Variants in CLASP1 observed in about 807,000 individuals in gnomAD.
CLASP1 encodes cytoplasmic linker associated protein 1.
Under a neutral mutation model 192.3 loss-of-function variants are expected in CLASP1, and 38 were observed. That is an observed-to-expected ratio of 0.20 (90% CI 0.15 to 0.26). The LOEUF (loss-of-function observed/expected upper bound fraction) is 0.26. Ranked by LOEUF, CLASP1 falls within the 10% of genes least tolerant of loss-of-function variation. The probability of loss-of-function intolerance (pLI) is 1.00; values close to 1 mark genes in which losing one functional copy is unlikely to be tolerated. For missense variants in CLASP1, 1,433 were observed against 1,932.5 expected, an observed-to-expected ratio of 0.74 and a Z score of 4.85; for synonymous variants, 691 against 712.8, an observed-to-expected ratio of 0.97 and a Z score of 0.49.
chr2:121,554,454 T>TAAAA (rs56965310), intron 2 of CLASP1, among the ~76,000 whole-genome samples: 2,565 of 87,506 alleles, frequency 0.029, 160 homozygotes, highest in African/African-American at 0.086. Context: ...CTACAAAAAG[T>TAAAA]AAAAAAAAAA....
chr2:121,626,163 T>C (rs1033536146), intron 1 of CLASP1, among the ~76,000 whole-genome samples: 8 of 151,038 alleles, frequency 5.3e-5, no homozygotes, highest in Admixed American at 4.0e-4. Flanking sequence ...ACAGCTGACA[T>C]GGCCATCCCA....
exon 40 of CLASP1, chr2:121,340,352 A>T (rs1038651092): frequency 1.3e-5 from 2 of 152,878 alleles, no homozygotes; most frequent in African/African-American, 4.8e-5. Flanking sequence ...TCCCATTTTT[A>T]GTAGGTCTCA....
chr2:121,461,537 TACCTATA>T (rs2087951846), intron 10 of CLASP1, among the ~76,000 whole-genome samples: 1 of 152,182 alleles, frequency 6.6e-6, no homozygotes, highest in South Asian at 2.1e-4. Context: ...CATGACACTA[TACCTATA>T]AATTTAAACA....
intron 10 of CLASP1, 42 bp from the exon 11 acceptor site, chr2:121,461,235 GAATA>G: frequency 9.5e-7 from 1 of 1,049,850 alleles, no homozygotes; most frequent in East Asian, 2.5e-5. Flanking sequence ...AAAACATGCA[GAATA>G]AACAGATTAT....
chr2:121,643,498 G>A (rs2072552903), intron 1 of CLASP1, among the ~76,000 whole-genome samples: 1 of 152,168 alleles, frequency 6.6e-6, no homozygotes, highest in South Asian at 2.1e-4. Flanking sequence ...CAAATTGATA[G>A]GATCGTGATG....
chr2:121,341,018 TC>T (rs2062717904), intron 39 of CLASP1, 71 bp from the exon 41 acceptor site: 1 of 1,007,700 alleles, frequency 9.9e-7, no homozygotes, highest in East Asian at 2.6e-5. Flanking sequence ...GCAAAAAGAA[TC>T]CCAGGTGACA....
chr2:121,418,757 G>T, intron 22 of CLASP1, 28 bp from the exon 23 acceptor site: 1 of 1,476,640 alleles, frequency 6.8e-7, no homozygotes, highest in Non-Finnish European at 9.5e-7. Flanking sequence ...GGGTTTCAGA[G>T]AAGGTGAACA....
chr2:121,604,719 T>C (rs2064210251), intron 2 of CLASP1, among the ~76,000 whole-genome samples: 2 of 152,212 alleles, frequency 1.3e-5, no homozygotes, highest in Admixed American at 6.5e-5. Flanking sequence ...CAGTGATAAG[T>C]GAAATATTAG....
intron 2 of CLASP1, chr2:121,530,994 C>A: frequency 4.3e-6 from 3 of 700,194 alleles, no homozygotes; most frequent in South Asian, 1.5e-5. Flanking sequence ...TATTTTGGTG[C>A]AATTTTTGGA....
exon 10 of CLASP1, chr2:121,462,603 C>T (rs1427975120): frequency 3.1e-6 from 5 of 1,593,936 alleles, no homozygotes; most frequent in Non-Finnish European, 3.4e-6. Flanking sequence ...CCTTCTTTTG[C>T]AGCTGTAAAA....
intron 26 of CLASP1, among the ~76,000 whole-genome samples, chr2:121,402,923 A>G (rs540607558): frequency 5.5e-4 from 83 of 152,112 alleles, no homozygotes; most frequent in African/African-American, 1.9e-3. Flanking sequence ...GCTCACTGTA[A>G]CCTCCACCTC....
intron 6 of CLASP1, among the ~76,000 whole-genome samples, chr2:121,520,614 C>G (rs1373786487): frequency 6.6e-6 from 1 of 152,252 alleles, no homozygotes; most frequent in African/African-American, 2.4e-5. Flanking sequence ...AACAAGAGGG[C>G]CAGCAGTCAG....
exon 33 of CLASP1, chr2:121,382,313 C>A: frequency 1.3e-6 from 2 of 1,571,858 alleles, no homozygotes; most frequent in East Asian, 2.3e-5. Context: ...GGCACTCCAA[C>A]CCCATAACCG....
At chr2:121,481,527 A>G (rs190835835) in intron 8 of CLASP1, among the ~76,000 whole-genome samples, 13 of 152,334 alleles carry the variant, frequency 8.5e-5, no homozygotes, top group Admixed American at 2.6e-4. Context: ...TTGTAAGCAA[A>G]AGAAAAAAGC....
intron 2 of CLASP1, among the ~76,000 whole-genome samples, chr2:121,579,911 A>C (rs1233543392): frequency 6.6e-6 from 1 of 152,252 alleles, no homozygotes; most frequent in Non-Finnish European, 1.5e-5. Context: ...CATTAAAACA[A>C]GCTAAATTCA....
chr2:121,528,607 C>T lies in CLASP1; in HGVS notation c.378+70G>A, dbSNP rs542220733. ...GAGTCACACCATTTGTGCAAGTACACACACACACCCTCGCACGTGCATGCA... is the reference window on the plus strand; with the variant it reads ...GAGTCACACCATTTGTGCAAGTACATACACACACCCTCGCACGTGCATGCA... On this transcript the variant is annotated intron_variant, in intron 4 of 39. Coordinates refer to ENST00000263710, the Ensembl canonical transcript of CLASP1. 1.1e-5 allele frequency: 13 copies of T among 1,188,100 alleles called. No homozygotes were observed. In the South Asian group the frequency reaches 1.6e-4, roughly 14 times the overall value. The allele number at this position is 1,188,100 out of a possible 1,614,324, so 73.6% of individuals were successfully genotyped here.
rs1397833412 is a variant in CLASP1 at position 121,447,289 on chromosome 2, C to G, written c.1912+48G>C. The G allele has an allele frequency of 4.6e-6, 7 of 1,514,456 alleles. No homozygotes were observed. The South Asian group carries it at 8.5e-5, about 18-fold the overall frequency. The allele number at this position is 1,514,456 out of a possible 1,614,324, so 93.8% of individuals were successfully genotyped here. A position where few individuals can be genotyped will look rare whatever the true frequency, so the allele number is the denominator to read the frequency against. ...ATTTTGCTAAGAGGTTAAGAGTCAT[C>G]TCTTGCAGAGCAGTGCAGGAGGGAA... On this transcript the variant is annotated intron_variant, in intron 19 of 39. Transcript: ENST00000263710.
chr2:121,638,086 G>A (rs1192509532), intron 1 of CLASP1, among the ~76,000 whole-genome samples: 1 of 151,900 alleles, frequency 6.6e-6, no homozygotes, highest in Non-Finnish European at 1.5e-5. Context: ...GTAACCAAAA[G>A]ATATAAATCA....
intron 1 of CLASP1, among the ~76,000 whole-genome samples, chr2:121,634,601 T>C (rs1225671414): frequency 1.3e-5 from 2 of 152,184 alleles, no homozygotes; most frequent in Non-Finnish European, 2.9e-5. Context: ...AAATCCTCCT[T>C]TGGCCACTTC....
Sources: allele counts gnomAD v4.1 joint callset (sites outside exome capture counted in the v4.1 genomes callset), GRCh38; gene constraint gnomAD v4.1.1; transcripts MANE v1.5; gene names NCBI Gene and HGNC (gene_info 2026-07-23, HGNC 2026-07-21).